The following TMTC2 variants were observed in gnomAD, a reference collection of about 807,000 sequenced individuals.
The protein encoded by TMTC2 is protein O-mannosyl-transferase TMTC2.
TMTC2 carries 43 observed loss-of-function variants against 82.4 expected under a neutral mutation model. The ratio of observed to expected loss-of-function variants is 0.52; its 90% CI spans 0.41 to 0.67. The LOEUF is 0.67. Among genes scored for constraint, TMTC2 ranks in the 30% least tolerant of loss-of-function variants. The probability of loss-of-function intolerance (pLI) is 0.00; values close to 1 mark genes in which losing one functional copy is unlikely to be tolerated. For synonymous variants in TMTC2, 408 were observed against 381.9 expected (o/e 1.07, Z -0.80); for missense variants, 919 against 1,012.4 (o/e 0.91, Z 1.25).
chr12:82,795,063 G>A (rs1878650656), intron 1 of TMTC2, among the ~76,000 whole-genome samples: 9 of 152,038 alleles, frequency 5.9e-5, no homozygotes, highest in Admixed American at 5.9e-4. Flanking sequence ...CCAGCACTTT[G>A]GGAGGCTGAG....
chr12:82,777,014 A>G (rs976733325), intron 1 of TMTC2, among the ~76,000 whole-genome samples: 16 of 152,152 alleles, frequency 1.1e-4, no homozygotes, highest in Admixed American at 9.2e-4. Flanking sequence ...TTTGATCTAC[A>G]TGGTGCCCTG....
chr12:82,714,987 A>T (rs1353828988), intron 1 of TMTC2, among the ~76,000 whole-genome samples: 1 of 152,128 alleles, frequency 6.6e-6, no homozygotes, highest in Non-Finnish European at 1.5e-5. Flanking sequence ...AGGCATACAA[A>T]TCTGCCGGGC....
chr12:82,872,012 C>T (rs111384564), intron 2 of TMTC2, among the ~76,000 whole-genome samples: 11 of 138,924 alleles, frequency 7.9e-5, no homozygotes, highest in East Asian at 4.2e-4. Flanking sequence ...AACACCCCCC[C>T]CCCCGCCCAC....
chr12:83,045,726 C>CACACACACACACACACACACACCCCA (rs747864661), intron 9 of TMTC2, among the ~76,000 whole-genome samples: 1 of 77,468 alleles, frequency 1.3e-5, no homozygotes, highest in African/African-American at 3.8e-5. Context: ...CACACACACA[C>CACACACACACACACACACACACCCCA]GCACACACAC....
rs58427886 is a variant in TMTC2, at chr12:82,752,147, C to CATTTTTTTTTTTTTTTTTTTTTTT, written c.83+64478_83+64479insATTTTTTTTTTTTTTTTTTTTTTT. On this transcript the variant is annotated intron_variant, in intron 1 of 11. Coordinates refer to ENST00000321196, the MANE Select transcript of TMTC2 (RefSeq NM_152588.3). Reference sequence around the variant, plus strand: ...ATGTTTTTATATTTATTGGAAGCTCCTTTTTTTTTTTTTTTTTTTCTGAAG... The same window carrying CATTTTTTTTTTTTTTTTTTTTTTT: ...ATGTTTTTATATTTATTGGAAGCTCCATTTTTTTTTTTTTTTTTTTTTTTTTTTTTTTTTTTTTTTTTTCTGAAG... Among the ~76,000 whole-genome samples the CATTTTTTTTTTTTTTTTTTTTTTT allele has an allele frequency of 5.8e-5, 8 of 137,928 alleles. 4 individuals carry two copies. The highest frequency in any genetic ancestry group is 5.6e-5 in the African/African-American group (2 of 35,846). The allele number at this position is 137,928 out of a possible 152,430, so 90.5% of individuals were successfully genotyped here.
intron 2 of TMTC2, among the ~76,000 whole-genome samples, chr12:82,874,803 T>A (rs2137142825): frequency 6.6e-6 from 1 of 152,310 alleles, no homozygotes; most frequent in South Asian, 2.1e-4. Context: ...ATTACCTGTA[T>A]AATCATTTTA....
chr12:82,845,252 A>AAAAAATATAT (rs1555190264), intron 1 of TMTC2, among the ~76,000 whole-genome samples: 1 of 38,808 alleles, frequency 2.6e-5, no homozygotes, highest in African/African-American at 1.0e-4. Flanking sequence ...AAAAAAAAAA[A>AAAAAATATAT]ATATATATAT....
intron 1 of TMTC2, among the ~76,000 whole-genome samples, chr12:82,719,078 TATATA>T (rs1462812079): frequency 8.4e-5 from 6 of 71,752 alleles, no homozygotes; most frequent in Admixed American, 1.7e-4. Flanking sequence ...TATATATATA[TATATA>T]TATTTTTTTT....
At chr12:83,062,234 GTATGCCTCTTTTC>G (rs952380031) in intron 11 of TMTC2, among the ~76,000 whole-genome samples, 2 of 151,672 alleles carry the variant, frequency 1.3e-5, no homozygotes, top group Non-Finnish European at 3.0e-5. Flanking sequence ...ACCTCAAGCT[GTATGCCTCTTTTC>G]TATTCCACAG....
intron 1 of TMTC2, among the ~76,000 whole-genome samples, chr12:82,778,126 A>C (rs1451948782): frequency 6.6e-6 from 1 of 152,038 alleles, no homozygotes; most frequent in African/African-American, 2.4e-5. Flanking sequence ...ATTTTTGCTC[A>C]GATTTTATTA....
intron 9 of TMTC2, among the ~76,000 whole-genome samples, chr12:83,031,982 A>G (rs548345725): frequency 9.2e-5 from 14 of 152,114 alleles, no homozygotes; most frequent in African/African-American, 3.4e-4. Context: ...CAACTAATTT[A>G]AGTTTGCTGC....
intron 1 of TMTC2, among the ~76,000 whole-genome samples, chr12:82,836,095 A>G (rs1870024888): frequency 6.6e-6 from 1 of 152,244 alleles, no homozygotes; most frequent in Non-Finnish European, 1.5e-5. Flanking sequence ...ATTTACTTAT[A>G]TGCATACATA....
intron 8 of TMTC2, among the ~76,000 whole-genome samples, chr12:82,988,056 G>A (rs1206867091): frequency 2.0e-5 from 3 of 152,194 alleles, no homozygotes; most frequent in Admixed American, 2.0e-4. Context: ...AAATCTAGAA[G>A]GAATGCTGGA....
At chr12:83,000,368 C>G (rs369347375) in intron 8 of TMTC2, among the ~76,000 whole-genome samples, 1 of 152,078 alleles carries the variant, frequency 6.6e-6, no homozygotes, top group African/African-American at 2.4e-5. Context: ...TCTCCTGAGC[C>G]CATGATCCGC....
In TMTC2 at chr12:82,896,321, G is replaced by C. The variant is rs370917510; in HGVS notation, c.1158G>C (p.Gln386His). The change falls in exon 3 of 12, where the codon CAG (glutamine) becomes CAC (histidine). Residue 386 changes from glutamine (Q) to histidine (H), a missense_variant. Coordinates refer to ENST00000321196, the MANE Select transcript of TMTC2 (RefSeq NM_152588.3). ...AAAACGATGTATCACAGAGAACCCA[G>C]CTTCCTTCTACGGAGAACATTGTTG... ...GIKNDVSQRT[Q>H]LPSTENIVVL... The C allele has an allele frequency of 6.2e-7, 1 of 1,614,128 alleles. No homozygotes were observed. Among genetic ancestry groups the C allele is most frequent in the East Asian group, 2.2e-5 (1 of 44,872 alleles).
chr12:82,929,794 T>C (rs942499770), intron 3 of TMTC2, among the ~76,000 whole-genome samples: 7 of 152,194 alleles, frequency 4.6e-5, no homozygotes, highest in African/African-American at 1.4e-4. Context: ...GAAAAATTAC[T>C]ATTATTTGGG....
intron 7 of TMTC2, among the ~76,000 whole-genome samples, chr12:82,979,537 T>C (rs1878829848): frequency 6.6e-6 from 1 of 151,762 alleles, no homozygotes; most frequent in Non-Finnish European, 1.5e-5. Flanking sequence ...ATACTGTGCA[T>C]GTCTCGAATA....
At chr12:82,888,938 AC>A (rs1873246744) in intron 2 of TMTC2, among the ~76,000 whole-genome samples, 1 of 152,156 alleles carries the variant, frequency 6.6e-6, no homozygotes, top group Non-Finnish European at 1.5e-5. Context: ...TAATTTTGAG[AC>A]ACTTAATTAT....
chr12:83,015,202 G>T (rs992810125), intron 8 of TMTC2, among the ~76,000 whole-genome samples: 2 of 152,128 alleles, frequency 1.3e-5, no homozygotes, highest in Non-Finnish European at 2.9e-5. Flanking sequence ...GTTTTCCATG[G>T]CATGACACTA....
Sources: allele counts gnomAD v4.1 joint callset (sites outside exome capture counted in the v4.1 genomes callset), GRCh38; gene constraint gnomAD v4.1.1; transcripts MANE v1.5; gene names NCBI Gene and HGNC (gene_info 2026-07-23, HGNC 2026-07-21).